Variants in AGBL4 observed in about 807,000 individuals in gnomAD.
AGBL4 encodes the protein cytosolic carboxypeptidase 6.
A neutral mutation model predicts 66.4 loss-of-function variants in AGBL4; 58 were observed. The observed-to-expected ratio is 0.87, with a 90% CI of 0.71 to 1.09. The LOEUF (loss-of-function observed/expected upper bound fraction) is 1.09. Among genes scored for constraint, AGBL4 ranks in the 50% least tolerant of loss-of-function variants. The pLI, the probability that AGBL4 is intolerant of heterozygous loss-of-function variation, is 0.00. For synonymous variants in AGBL4, 234 were observed against 222.9 expected, an observed-to-expected ratio of 1.05 and a Z score of -0.44; for missense variants, 579 against 631.0, an observed-to-expected ratio of 0.92 and a Z score of 0.88.
chr1:48,742,652 T>C (rs756160114), intron 6 of AGBL4: 1 of 1,605,266 alleles, frequency 6.2e-7, no homozygotes, highest in Non-Finnish European at 8.5e-7. Flanking sequence ...TACTTGTCCA[T>C]GACAGGCGCA....
At chr1:49,745,920 G>A (rs1426467860) in intron 2 of AGBL4, among the ~76,000 whole-genome samples, 1 of 151,862 alleles carries the variant, frequency 6.6e-6, no homozygotes, top group Admixed American at 6.6e-5. Flanking sequence ...CCCAAAACAG[G>A]AGAACACACA....
intron 6 of AGBL4, among the ~76,000 whole-genome samples, chr1:48,851,737 G>A (rs915210188): frequency 6.6e-6 from 1 of 152,150 alleles, no homozygotes; most frequent in African/African-American, 2.4e-5. Flanking sequence ...ACTTCATCTG[G>A]GTTGGGCTGA....
chr1:48,983,045 T>G (rs944878043), intron 5 of AGBL4, among the ~76,000 whole-genome samples: 1 of 152,170 alleles, frequency 6.6e-6, no homozygotes, highest in Non-Finnish European at 1.5e-5. Context: ...TTTTTTAAAA[T>G]TTTGAAATAT....
At chr1:49,511,705 T>C (rs1157519599) in intron 3 of AGBL4, among the ~76,000 whole-genome samples, 3 of 151,788 alleles carry the variant, frequency 2.0e-5, no homozygotes, top group Non-Finnish European at 1.5e-5. Context: ...AAGAAGACTA[T>C]GAAATGCAGT....
At chr1:49,191,291 T>C (rs1291857592) in intron 4 of AGBL4, among the ~76,000 whole-genome samples, 1 of 152,234 alleles carries the variant, frequency 6.6e-6, no homozygotes, top group Non-Finnish European at 1.5e-5. Context: ...CCACACCGTG[T>C]ACTTCTCCAA....
At chr1:48,897,806 CTTTTTTT>C (rs55889870) in intron 5 of AGBL4, among the ~76,000 whole-genome samples, 3 of 127,804 alleles carry the variant, frequency 2.3e-5, no homozygotes, top group Non-Finnish European at 1.6e-5. Flanking sequence ...CTTTTGCCCA[CTTTTTTT>C]TTTTTTTTTT....
chr1:49,321,135 G>T (rs1043206199), intron 3 of AGBL4, among the ~76,000 whole-genome samples: 2 of 152,060 alleles, frequency 1.3e-5, no homozygotes, highest in Non-Finnish European at 2.9e-5. Flanking sequence ...CAGTCTCTGA[G>T]GTTACCTCCA....
chr1:49,185,823 A>G (rs977347316), intron 4 of AGBL4, among the ~76,000 whole-genome samples: 1 of 151,992 alleles, frequency 6.6e-6, no homozygotes, highest in South Asian at 2.1e-4. Context: ...TCTTGCAACT[A>G]TTTAAGGATC....
chr1:49,597,076 TACTAC>T (rs1277716439), intron 3 of AGBL4, among the ~76,000 whole-genome samples: 2 of 152,228 alleles, frequency 1.3e-5, no homozygotes, highest in African/African-American at 4.8e-5. Flanking sequence ...AGGCACAAAT[TACTAC>T]AATGAACACC....
chr1:49,634,258 C>T (rs990211772), intron 3 of AGBL4, among the ~76,000 whole-genome samples: 3 of 152,080 alleles, frequency 2.0e-5, no homozygotes, highest in African/African-American at 7.2e-5. Flanking sequence ...GTTCCCCTCC[C>T]TGTGTCCATG....
chr1:48,840,214 A>AAAT lies in AGBL4; in HGVS notation c.634+26974_634+26976dup, dbSNP rs1646767202. Among the ~76,000 whole-genome samples, 4 of 152,288 alleles carry AAAT rather than the reference A, an allele frequency of 2.6e-5. No homozygotes were observed. In the South Asian group the frequency reaches 8.3e-4, roughly 32 times the overall value. On this transcript the variant is annotated intron_variant, in intron 6 of 13. Coordinates refer to ENST00000371839, the MANE Select transcript of AGBL4 (RefSeq NM_032785.4). ...AATTAAAGCCCACTTCTCCTGGCTT[A>AAAT]AATCTCTTTTACTCTATGCCCTATT...
intron 11 of AGBL4, among the ~76,000 whole-genome samples, chr1:48,563,357 T>C (rs1644425648): frequency 6.6e-6 from 1 of 152,214 alleles, no homozygotes; most frequent in Non-Finnish European, 1.5e-5. Context: ...GGCAATTCTA[T>C]AGCAGCCATC....
At chr1:49,284,123 G>A (rs904553749) in intron 3 of AGBL4, among the ~76,000 whole-genome samples, 2 of 152,148 alleles carry the variant, frequency 1.3e-5, no homozygotes, top group African/African-American at 4.8e-5. Context: ...CAGAGAGAAA[G>A]GTCGGGTTAC....
rs192511790 is a variant in AGBL4 at position 49,562,485 on chromosome 1, A to G, written c.282+134828T>C. On this transcript the variant is annotated intron_variant, in intron 3 of 13. Coordinates refer to ENST00000371839, the MANE Select transcript of AGBL4 (RefSeq NM_032785.4). ...TAATCCATCTTGAATTAATTTTTGT[A>G]TAAGGTGTAAGGAAGGGATCCAGTT... Among the ~76,000 whole-genome samples, 140 of 152,264 alleles carry G rather than the reference A, an allele frequency of 9.2e-4. 1 individual carries two copies. Among genetic ancestry groups the G allele is most frequent in the African/African-American group, 3.2e-3 (135 of 41,556 alleles).
intron 4 of AGBL4, among the ~76,000 whole-genome samples, chr1:49,225,566 A>G (rs1649849868): frequency 6.6e-6 from 1 of 152,172 alleles, no homozygotes; most frequent in African/African-American, 2.4e-5. Flanking sequence ...CTTAACAAGG[A>G]TACACTCTCC....
chr1:49,151,550 T>C (rs1646334668), intron 4 of AGBL4, among the ~76,000 whole-genome samples: 1 of 151,166 alleles, frequency 6.6e-6, no homozygotes, highest in Admixed American at 6.6e-5. Flanking sequence ...AAAAAGAGAA[T>C]TTGTGGAATT....
At chr1:49,644,163 A>T (rs1645838514) in intron 3 of AGBL4, among the ~76,000 whole-genome samples, 2 of 151,662 alleles carry the variant, frequency 1.3e-5, no homozygotes, top group Admixed American at 1.3e-4. Flanking sequence ...GAAGATGTAT[A>T]CTATAAATCC....
intron 5 of AGBL4, among the ~76,000 whole-genome samples, chr1:49,044,235 C>T (rs1248926397): frequency 2.6e-5 from 4 of 152,106 alleles, no homozygotes; most frequent in Non-Finnish European, 4.4e-5. Context: ...CGGTGGCTCA[C>T]ATCTGTAATC....
intron 6 of AGBL4, among the ~76,000 whole-genome samples, chr1:48,705,993 G>A (rs1479478578): frequency 6.6e-6 from 1 of 152,120 alleles, no homozygotes; most frequent in Non-Finnish European, 1.5e-5. Context: ...AGTGAATTTG[G>A]TTGTTTCCAG....
Sources: gnomAD v4.1 joint callset for allele counts (sites outside exome capture counted in the v4.1 genomes callset) on GRCh38, gnomAD v4.1.1 for gene constraint, MANE v1.5 for transcripts, NCBI Gene and HGNC (gene_info 2026-07-23, HGNC 2026-07-21) for gene names.